The following GABRR3 variants were observed in gnomAD, a reference collection of about 807,000 sequenced individuals.
The protein encoded by GABRR3 is gamma-aminobutyric acid type A receptor subunit rho3, also known as gamma-aminobutyric acid receptor subunit rho-3.
In GABRR3, 29 loss-of-function variants were observed where a neutral mutation model predicts 43.2. The observed-to-expected ratio is 0.67, with a 90% confidence interval of 0.50 to 0.92. The LOEUF (loss-of-function observed/expected upper bound fraction) is 0.92, where lower values mean the gene tolerates loss of function less well. Among genes scored for constraint, GABRR3 ranks in the 40% least tolerant of loss-of-function variants. GABRR3 has a pLI of 0.00. For synonymous variants in GABRR3, 206 were observed against 195.9 expected, an observed-to-expected ratio of 1.05 and a Z score of -0.43; for missense variants, 576 against 572.3, an observed-to-expected ratio of 1.01 and a Z score of -0.07.
intron 8 of GABRR3, 52 bp from the exon 9 acceptor site, chr3:97,993,100 G>C: frequency 7.1e-7 from 1 of 1,415,924 alleles, no homozygotes; most frequent in Admixed American, 2.1e-5. Flanking sequence ...TCATTTCCAG[G>C]ATCTGGTGCT....
At chr3:98,001,805 TC>T (rs775704441) in intron 7 of GABRR3, 38 bp from the exon 8 acceptor site, 4 of 1,610,714 alleles carry the variant, frequency 2.5e-6, no homozygotes, top group Non-Finnish European at 3.4e-6. Flanking sequence ...AGAGCAAGCT[TC>T]CCCTTAGAAA....
chr3:98,033,072 C>T (rs191413911), intron 2 of GABRR3, among the ~76,000 whole-genome samples: 6 of 152,216 alleles, frequency 3.9e-5, no homozygotes, highest in Admixed American at 2.6e-4. Context: ...AATGACAGCT[C>T]AGAAATTGGC....
chr3:97,987,069 T>C, intron 9 of GABRR3, 87 bp from the exon 10 acceptor site: 1 of 961,370 alleles, frequency 1.0e-6, no homozygotes, highest in South Asian at 1.8e-5. Context: ...AAGTTAAATA[T>C]GATTTATCAG....
At chr3:97,999,424 C>T (rs1706603407) in intron 8 of GABRR3, 1 of 152,110 alleles carries the variant, frequency 6.6e-6, no homozygotes, top group Non-Finnish European at 1.5e-5. Context: ...AGGCTGAACG[C>T]TTGTAGTATC....
intron 7 of GABRR3, among the ~76,000 whole-genome samples, chr3:98,005,177 A>G (rs1352577649): frequency 6.6e-6 from 1 of 151,202 alleles, no homozygotes; most frequent in East Asian, 2.0e-4. Context: ...CCTACTTCTC[A>G]GAGGTATCTA....
intron 3 of GABRR3, among the ~76,000 whole-genome samples, chr3:98,020,148 A>G (rs1706922234): frequency 6.6e-6 from 1 of 152,166 alleles, no homozygotes. Flanking sequence ...AATGTCCCAA[A>G]TGAAGTTCTA....
chr3:98,017,778 C>A, intron 3 of GABRR3, 56 bp from the exon 4 acceptor site: 1 of 1,213,002 alleles, frequency 8.2e-7, no homozygotes, highest in Non-Finnish European at 1.2e-6. Flanking sequence ...CATTTTAAAA[C>A]CATTTAAAAC....
intron 9 of GABRR3, 149 bp downstream of exon 9, chr3:97,992,703 T>A (rs765424625): frequency 3.1e-5 from 20 of 635,266 alleles, no homozygotes; most frequent in Non-Finnish European, 5.1e-5. Context: ...TAAGGTTCAA[T>A]GTTAAATTGT....
At position 98,025,682 on chromosome 3, in the gene GABRR3, G is replaced by C; in HGVS notation, c.126-3C>G. The C allele has an allele frequency of 6.3e-7, 1 of 1,594,688 alleles. No individual in the cohort carries two copies. Among genetic ancestry groups the C allele is most frequent in the East Asian group, 2.2e-5 (1 of 44,634 alleles). On this transcript the variant is annotated splice_polypyrimidine_tract_variant and splice_region_variant and intron_variant, in intron 2 of 9. Coordinates refer to ENST00000621172, the Ensembl canonical transcript of GABRR3. ...TCTTCATTCTAGTTTCTTGTTTGCT[G>C]TTCCCCCAAAGGGAAAAAAAAAACT...
At chr3:98,012,694 T>C in intron 4 of GABRR3, 127 bp from the exon 5 acceptor site, 1 of 633,826 alleles carries the variant, frequency 1.6e-6, no homozygotes, top group Non-Finnish European at 2.7e-6. Flanking sequence ...GTTAATATTG[T>C]AGTTTCAAGT....
intron 1 of GABRR3, 42 bp from the exon 2 acceptor site, chr3:98,035,031 C>A: frequency 6.3e-7 from 1 of 1,586,140 alleles, no homozygotes; most frequent in Non-Finnish European, 8.6e-7. Flanking sequence ...GTGAACGCAA[C>A]CAATACTGTG....
At chr3:97,989,673 A>G (rs1422361050) in intron 9 of GABRR3, among the ~76,000 whole-genome samples, 2 of 152,044 alleles carry the variant, frequency 1.3e-5, no homozygotes. Context: ...AGAAACTGGC[A>G]CGTTTAGCTC....
intron 2 of GABRR3, among the ~76,000 whole-genome samples, chr3:98,026,557 C>T (rs1001867703): frequency 6.6e-6 from 1 of 151,278 alleles, no homozygotes; most frequent in African/African-American, 2.4e-5. Flanking sequence ...CAGCAGCCTT[C>T]AGCCGGAGAC....
At chr3:98,002,655 A>G (rs1158907750) in intron 7 of GABRR3, among the ~76,000 whole-genome samples, 1 of 152,156 alleles carries the variant, frequency 6.6e-6, no homozygotes, top group Non-Finnish European at 1.5e-5. Flanking sequence ...ATCTTGTTAA[A>G]TCTTTACTAA....
In GABRR3 at chr3:98,012,339, CT is replaced by C. The variant is rs1706803448; in HGVS notation, c.530+4del. The C allele has an allele frequency of 6.2e-7, 1 of 1,611,908 alleles. No individual in the cohort carries two copies. The highest frequency in any genetic ancestry group is 8.5e-7 in the Non-Finnish European group (1 of 1,178,396). On this transcript the variant is annotated splice_donor_region_variant and intron_variant, in intron 5 of 9. Transcript: ENST00000621172. ...AAGCCAAAGGCGATAGGCAGCTTTCCTTACCTGAGACTTAGGAGGACGTTTC... is the reference window on the plus strand; with the variant it reads ...AAGCCAAAGGCGATAGGCAGCTTTCCTACCTGAGACTTAGGAGGACGTTTC...
intron 3 of GABRR3, among the ~76,000 whole-genome samples, chr3:98,020,625 T>C (rs1452877608): frequency 6.6e-6 from 1 of 152,114 alleles, no homozygotes; most frequent in Admixed American, 6.5e-5. Flanking sequence ...AAAACTACCC[T>C]CCAAGGACCT....
chr3:97,991,603 A>T (rs957360318), intron 9 of GABRR3, among the ~76,000 whole-genome samples: 2 of 152,244 alleles, frequency 1.3e-5, no homozygotes, highest in African/African-American at 4.8e-5. Context: ...TGAAGTGAGC[A>T]TTCCAGATCT....
At chr3:98,033,231 A>T (rs942864160) in intron 2 of GABRR3, among the ~76,000 whole-genome samples, 2 of 152,170 alleles carry the variant, frequency 1.3e-5, no homozygotes, top group Non-Finnish European at 2.9e-5. Context: ...ATTTTAATGA[A>T]TCCCATTCTG....
chr3:98,027,996 T>G (rs1707044297), intron 2 of GABRR3, among the ~76,000 whole-genome samples: 1 of 152,110 alleles, frequency 6.6e-6, no homozygotes. Context: ...ATTTTATCAC[T>G]CCATCATGTA....
Sources: gnomAD v4.1 joint callset for allele counts (sites outside exome capture counted in the v4.1 genomes callset) on GRCh38, gnomAD v4.1.1 for gene constraint, MANE v1.5 for transcripts, NCBI Gene and HGNC (gene_info 2026-07-23, HGNC 2026-07-21) for gene names.